ERBB4: variants seen among roughly 807,000 people sequenced by gnomAD.
ERBB4 encodes receptor tyrosine-protein kinase erbB-4.
ERBB4 carries 42 observed loss-of-function variants against 158.0 expected under a neutral mutation model. That is an observed-to-expected ratio of 0.27 (90% CI 0.21 to 0.34). ERBB4 has a LOEUF of 0.34. Ranked by LOEUF, ERBB4 falls within the 10% of genes least tolerant of loss-of-function variation. The probability of loss-of-function intolerance (pLI) is 1.00; values close to 1 mark genes in which losing one functional copy is unlikely to be tolerated. For synonymous variants in ERBB4, 583 were observed against 558.7 expected (o/e 1.04, Z -0.61); for missense variants, 1,333 against 1,624.1 (o/e 0.82, Z 3.08).
intron 2 of ERBB4, among the ~76,000 whole-genome samples, chr2:212,028,810 T>C (rs1361194184): frequency 6.6e-6 from 1 of 152,142 alleles, no homozygotes; most frequent in East Asian, 1.9e-4. Context: ...TGGAGCCTAG[T>C]AGACTTAACC....
chr2:211,676,854 T>A (rs1211720823), intron 13 of ERBB4, among the ~76,000 whole-genome samples: 2 of 152,194 alleles, frequency 1.3e-5, no homozygotes, highest in Non-Finnish European at 2.9e-5. Flanking sequence ...AATTGCTGAA[T>A]GCAAAAGCAA....
At chr2:211,956,529 A>T (rs1407585408) in intron 2 of ERBB4, among the ~76,000 whole-genome samples, 3 of 152,024 alleles carry the variant, frequency 2.0e-5, no homozygotes, top group Non-Finnish European at 4.4e-5. Flanking sequence ...TCACTTATTG[A>T]CCTTGCGCAA....
intron 1 of ERBB4, among the ~76,000 whole-genome samples, chr2:212,450,859 C>T (rs1051440364): frequency 2.0e-5 from 3 of 148,558 alleles, no homozygotes; most frequent in Non-Finnish European, 4.4e-5. Flanking sequence ...GGCATGGTGG[C>T]TCATGCCCAT....
chr2:211,481,122 C>A (rs2125547843), intron 20 of ERBB4, among the ~76,000 whole-genome samples: 1 of 152,010 alleles, frequency 6.6e-6, no homozygotes, highest in East Asian at 1.9e-4. Context: ...TGTCACTATC[C>A]CATTAAGAGG....
chr2:211,717,689 C>T lies in ERBB4; in HGVS notation c.884-4041G>A, dbSNP rs528634870. Among the ~76,000 whole-genome samples, 42 of 77,986 alleles carry T rather than the reference C, an allele frequency of 5.4e-4. 1 individual carries two copies. Among genetic ancestry groups the T allele is most frequent in the African/African-American group, 1.6e-3 (40 of 25,564 alleles). The allele number at this position is 77,986 out of a possible 152,430, so 51.2% of individuals were successfully genotyped here. On this transcript the variant is annotated intron_variant, in intron 7 of 27. Coordinates refer to ENST00000342788, the MANE Select transcript of ERBB4 (RefSeq NM_005235.3). ...ACTAAAAATACAAAAATTAGCTGGG[C>T]GTGGTGGATGTGCCTGTAATCCCAG...
intron 2 of ERBB4, among the ~76,000 whole-genome samples, chr2:212,020,833 G>C (rs544768356): frequency 2.6e-5 from 4 of 152,060 alleles, no homozygotes; most frequent in African/African-American, 9.6e-5. Flanking sequence ...TTCCATTTTG[G>C]TGCCATTAGG....
chr2:211,535,156 A>T (rs553826573), intron 20 of ERBB4, among the ~76,000 whole-genome samples: 1 of 152,094 alleles, frequency 6.6e-6, no homozygotes, highest in Non-Finnish European at 1.5e-5. Context: ...TTGTAAAATT[A>T]TAGTATGTGG....
chr2:211,945,873 T>G (rs1033153987), intron 3 of ERBB4, among the ~76,000 whole-genome samples: 1 of 152,068 alleles, frequency 6.6e-6, no homozygotes, highest in African/African-American at 2.4e-5. Flanking sequence ...TACAAAAGTT[T>G]GAAAGAAATT....
chr2:211,591,132 A>T (rs200679913), intron 19 of ERBB4, among the ~76,000 whole-genome samples: 289 of 152,344 alleles, frequency 1.9e-3, no homozygotes, highest in Non-Finnish European at 2.8e-3. Context: ...ATATTGATTT[A>T]TCATACATAT....
intron 3 of ERBB4, among the ~76,000 whole-genome samples, chr2:211,802,010 T>A (rs1016282161): frequency 1.3e-5 from 2 of 152,058 alleles, no homozygotes; most frequent in Admixed American, 1.3e-4. Context: ...CTGTAATCCC[T>A]GCACTTTGGG....
At chr2:211,461,197 TA>T (rs1354080556) in intron 20 of ERBB4, among the ~76,000 whole-genome samples, 1 of 152,188 alleles carries the variant, frequency 6.6e-6, no homozygotes, top group Admixed American at 6.5e-5. Flanking sequence ...CATTACTGTA[TA>T]TTTTTTAAAT....
At chr2:211,713,724 T>G in intron 7 of ERBB4, 76 bp from the exon 8 acceptor site, 1 of 881,470 alleles carries the variant, frequency 1.1e-6, no homozygotes, top group South Asian at 1.4e-5. Flanking sequence ...CAAGATATTT[T>G]AGGGTTTAAA....
chr2:211,667,830 C>A (rs572709888), intron 14 of ERBB4, among the ~76,000 whole-genome samples: 3 of 152,214 alleles, frequency 2.0e-5, no homozygotes, highest in Non-Finnish European at 4.4e-5. Context: ...AAAGTAAAAT[C>A]AAGTTCATAT....
At chr2:211,911,408 G>A (rs144945392) in intron 3 of ERBB4, among the ~76,000 whole-genome samples, 1 of 152,136 alleles carries the variant, frequency 6.6e-6, no homozygotes, top group African/African-American at 2.4e-5. Context: ...TGAGACCACA[G>A]GTGCCTGCCA....
chr2:211,591,332 G>A (rs1443700192), intron 19 of ERBB4, among the ~76,000 whole-genome samples: 1 of 152,026 alleles, frequency 6.6e-6, no homozygotes, highest in African/African-American at 2.4e-5. Flanking sequence ...AACACATGAG[G>A]GTCTTAATTT....
At chr2:211,979,968 T>G (rs1471924727) in intron 2 of ERBB4, among the ~76,000 whole-genome samples, 3 of 152,194 alleles carry the variant, frequency 2.0e-5, no homozygotes, top group African/African-American at 7.2e-5. Flanking sequence ...CAATTTTCTT[T>G]AATATATGTC....
intron 25 of ERBB4, among the ~76,000 whole-genome samples, chr2:211,389,705 T>C (rs77063651): frequency 0.016 from 2,391 of 152,266 alleles, 30 homozygotes; most frequent in Middle Eastern, 0.058. Flanking sequence ...TGGGCTCCAG[T>C]TCCAATGATA....
chr2:211,724,361 T>TA lies in ERBB4; in HGVS notation c.741+714dup, dbSNP rs796374773. 7.8e-3 allele frequency among the ~76,000 whole-genome samples: 1,174 copies of TA among 150,800 alleles called. 19 individuals carry two copies. Among genetic ancestry groups the TA allele is most frequent in the Middle Eastern group, 0.048 (14 of 292 alleles). On this transcript the variant is annotated intron_variant, in intron 6 of 27. Transcript: ENST00000342788. Reference sequence around the variant, plus strand: ...TTAAGTGTCTTTCTTTTTTTTTTTTTAAAAAAAGCTCAATTCTACTACATA... The same window carrying TA: ...TTAAGTGTCTTTCTTTTTTTTTTTTTAAAAAAAAGCTCAATTCTACTACATA...
rs2062499300 is a variant in ERBB4 at position 211,377,666 on chromosome 2, A to G, written c.*5949T>C. ...GAAAAAAATTTACAGCAGCTACAAA[A>G]TATTTACGATTAGGAACCAAATAAG... On this transcript the variant is annotated 3_prime_UTR_variant, in exon 28 of 28. Coordinates refer to ENST00000342788, the MANE Select transcript of ERBB4 (RefSeq NM_005235.3). 1.7e-5 allele frequency: 4 copies of G among 232,410 alleles called. No homozygotes were observed. The highest frequency in any genetic ancestry group is 1.2e-3 in the Middle Eastern group (1 of 806). The allele number at this position is 232,410 out of a possible 1,614,324, so 14.4% of individuals were successfully genotyped here.
Sources: allele counts gnomAD v4.1 joint callset (sites outside exome capture counted in the v4.1 genomes callset), GRCh38; gene constraint gnomAD v4.1.1; transcripts MANE v1.5; gene names NCBI Gene and HGNC (gene_info 2026-07-23, HGNC 2026-07-21).